The following PCLAF variants were observed in gnomAD, a reference collection of about 807,000 sequenced individuals.
PCLAF encodes PCNA clamp associated factor, also known as PCNA-associated factor.
Under a neutral mutation model 15.1 loss-of-function variants are expected in PCLAF, and 12 were observed. The ratio of observed to expected loss-of-function variants is 0.79; its 90% CI spans 0.51 to 1.29. The LOEUF is 1.29. PCLAF is among the 50% of genes most tolerant of loss of function. The probability of loss-of-function intolerance (pLI) is 0.00; values close to 1 mark genes in which losing one functional copy is unlikely to be tolerated. For missense variants in PCLAF, 116 were observed against 130.9 expected (o/e 0.89, Z 0.56); for synonymous variants, 33 against 47.1 (o/e 0.70, Z 1.22).
At chr15:64,370,847 T>G (rs1899270501) in intron 3 of PCLAF, among the ~76,000 whole-genome samples, 1 of 150,358 alleles carries the variant, frequency 6.7e-6, no homozygotes. Context: ...TTTTTTTTTT[T>G]TTTTTTTTTA....
upstream of PCLAF, among the ~76,000 whole-genome samples, chr15:64,385,059 T>A (rs540677591): frequency 2.0e-5 from 3 of 152,008 alleles, no homozygotes; most frequent in South Asian, 6.2e-4. Flanking sequence ...AGCTAATTTT[T>A]AGGTTTTTTT....
chr15:64,379,179 T>C (rs1205166920), intron 2 of PCLAF, among the ~76,000 whole-genome samples: 2 of 151,988 alleles, frequency 1.3e-5, no homozygotes, highest in Non-Finnish European at 2.9e-5. Context: ...GATGCGGCTC[T>C]AATGAAATTT....
chr15:64,374,506 T>C (rs1480963232), intron 3 of PCLAF, among the ~76,000 whole-genome samples: 3 of 150,706 alleles, frequency 2.0e-5, no homozygotes, highest in Non-Finnish European at 4.4e-5. Flanking sequence ...ACCACTGCAC[T>C]CCAGCCTGGG....
chr15:64,382,772 C>T (rs950698378), upstream of PCLAF: 3 of 207,216 alleles, frequency 1.4e-5, no homozygotes, highest in South Asian at 1.1e-4. Context: ...CTCAGGAGTT[C>T]GAGACCAGCG....
At chr15:64,381,537 C>A (rs539483320), upstream of PCLAF, 8 of 1,490,636 alleles carry the variant, frequency 5.4e-6, no homozygotes, top group African/African-American at 1.1e-4. Context: ...CCGCGCCGTT[C>A]CCCCTGAACC....
At chr15:64,377,730 G>A (rs1265242338) in intron 2 of PCLAF, among the ~76,000 whole-genome samples, 39 of 137,560 alleles carry the variant, frequency 2.8e-4, no homozygotes, top group Middle Eastern at 7.8e-3. Flanking sequence ...GTTCATAAGA[G>A]AAGTCCAATT....
At chr15:64,372,865 A>C (rs1899400031) in intron 3 of PCLAF, among the ~76,000 whole-genome samples, 1 of 150,832 alleles carries the variant, frequency 6.6e-6, no homozygotes, top group Non-Finnish European at 1.5e-5. Context: ...CAGTTACTCA[A>C]GAAAGGCACA....
At chr15:64,368,949 T>TTG (rs1899163995) in intron 3 of PCLAF, among the ~76,000 whole-genome samples, 9 of 152,212 alleles carry the variant, frequency 5.9e-5, no homozygotes, top group Admixed American at 3.9e-4. Context: ...TAGTCTTGAC[T>TTG]ATCAGCTTGT....
At chr15:64,381,188 A>G in intron 1 of PCLAF, 138 bp downstream of exon 1, 1 of 1,217,496 alleles carries the variant, frequency 8.2e-7, no homozygotes, top group Non-Finnish European at 1.2e-6. Context: ...TTCTAGGTAA[A>G]GGGGCCAGGC....
Position 64,366,041 on chromosome 15 carries a change from C to T in PCLAF, c.325G>A (p.Glu109Lys), listed in dbSNP as rs868810294. The T allele has an allele frequency of 1.2e-6, 2 of 1,610,556 alleles. No homozygotes were observed. Among genetic ancestry groups the T allele is most frequent in the Non-Finnish European group, 1.7e-6 (2 of 1,178,172 alleles). ...CPLQPDHTND[E>K]KE ...TGAATGAGAAAGTTCTATTCTTTTT[C>T]ATCATTTGTGTGATCAGGTTGCAAA... The change falls in exon 4 of 4, where the codon GAA becomes AAA. Residue 109 changes from glutamate (E) to lysine (K), a missense_variant. Transcript: ENST00000300035.
intron 3 of PCLAF, among the ~76,000 whole-genome samples, chr15:64,369,515 A>G (rs1712285246): frequency 6.6e-6 from 1 of 152,098 alleles, no homozygotes; most frequent in African/African-American, 2.4e-5. Flanking sequence ...GATCATAGAC[A>G]CTCAATTACT....
At chr15:64,374,846 CAAAA>C (rs372818602) in intron 3 of PCLAF, among the ~76,000 whole-genome samples, 1 of 39,948 alleles carries the variant, frequency 2.5e-5, no homozygotes, top group Non-Finnish European at 5.9e-5. Flanking sequence ...ACCCCCATAT[CAAAA>C]AAAAAAAAAA....
chr15:64,370,912 G>A (rs1326614240), intron 3 of PCLAF, among the ~76,000 whole-genome samples: 1 of 134,820 alleles, frequency 7.4e-6, no homozygotes, highest in Admixed American at 7.9e-5. Context: ...ACAAATTTCT[G>A]GTCTTCACTT....
At chr15:64,366,992 G>A (rs572540711) in intron 3 of PCLAF, among the ~76,000 whole-genome samples, 13 of 151,394 alleles carry the variant, frequency 8.6e-5, no homozygotes, top group African/African-American at 2.2e-4. Context: ...TTAGTTGGTC[G>A]TGGTGGCACA....
chr15:64,382,642 ACCC>A (rs1403594560), upstream of PCLAF: 2 of 153,778 alleles, frequency 1.3e-5, no homozygotes, highest in Non-Finnish European at 2.9e-5. Context: ...TACTCACAAC[ACCC>A]CTGGGGAGTG....
intron 1 of PCLAF, 77 bp from the exon 2 acceptor site, chr15:64,381,115 G>A: frequency 2.1e-6 from 3 of 1,410,088 alleles, no homozygotes; most frequent in Non-Finnish European, 3.0e-6. Flanking sequence ...CCAGCAGCTT[G>A]GAGAGGAGAG....
chr15:64,366,217 C>A (rs1899024685), intron 3 of PCLAF, 142 bp from the exon 4 acceptor site: 1 of 493,506 alleles, frequency 2.0e-6, no homozygotes, highest in East Asian at 3.5e-5. Flanking sequence ...GAAAATTAAA[C>A]TTCATTAATT....
chr15:64,372,676 A>G (rs1419450949), intron 3 of PCLAF, among the ~76,000 whole-genome samples: 1 of 151,316 alleles, frequency 6.6e-6, no homozygotes, highest in Non-Finnish European at 1.5e-5. Flanking sequence ...AAAGCCCTAA[A>G]GAGTTAAGTG....
At chr15:64,377,030 A>G in intron 2 of PCLAF, 125 bp from the exon 3 acceptor site, 2 of 720,066 alleles carry the variant, frequency 2.8e-6, no homozygotes, top group South Asian at 2.6e-5. Flanking sequence ...TTTAAGATAT[A>G]CAACTTAAAG....
Sources: allele counts gnomAD v4.1 joint callset (sites outside exome capture counted in the v4.1 genomes callset), GRCh38; gene constraint gnomAD v4.1.1; transcripts MANE v1.5; gene names NCBI Gene and HGNC (gene_info 2026-07-23, HGNC 2026-07-21).